TCF7: variants seen among roughly 807,000 people sequenced by gnomAD.
The protein encoded by TCF7 is T-cell-factor-7.
TCF7 carries 19 observed loss-of-function variants against 46.8 expected under a neutral mutation model. The ratio of observed to expected loss-of-function variants is 0.41; its 90% CI spans 0.28 to 0.60. The LOEUF is 0.60. Ranked by LOEUF, TCF7 falls within the 20% of genes least tolerant of loss-of-function variation. TCF7 has a pLI of 0.35. For synonymous variants in TCF7, 245 were observed against 213.4 expected (o/e 1.15, Z -1.29); for missense variants, 547 against 504.6 (o/e 1.08, Z -0.81).
At chr5:134,143,194 T>C (rs1354564160) in intron 8 of TCF7, 94 bp downstream of exon 8, 6 of 1,355,106 alleles carry the variant, frequency 4.4e-6, no homozygotes, top group African/African-American at 1.4e-5. Context: ...GCAGAACTAC[T>C]GTCCTGAAGG....
At chr5:134,145,790 G>A in intron 9 of TCF7, 1 of 1,613,928 alleles carries the variant, frequency 6.2e-7, no homozygotes, top group Non-Finnish European at 8.5e-7. Flanking sequence ...AAGAGTCACT[G>A]TCCATGTCTT....
chr5:134,111,653 T>C (rs1755332378), upstream of TCF7, among the ~76,000 whole-genome samples: 1 of 152,066 alleles, frequency 6.6e-6, no homozygotes, highest in African/African-American at 2.4e-5. Context: ...CTAATCCTGT[T>C]GATGGCCCCC....
intron 3 of TCF7, among the ~76,000 whole-genome samples, chr5:134,119,064 T>G (rs1756225903): frequency 6.6e-6 from 1 of 152,196 alleles, no homozygotes; most frequent in Non-Finnish European, 1.5e-5. Context: ...GGGGAGATAG[T>G]GAGCTGATCT....
At chr5:134,127,694 G>C (rs1757522994) in intron 3 of TCF7, among the ~76,000 whole-genome samples, 1 of 152,246 alleles carries the variant, frequency 6.6e-6, no homozygotes, top group Non-Finnish European at 1.5e-5. Context: ...GGGGCACGTT[G>C]AGGGCAGTTT....
At chr5:134,128,816 G>A (rs1385228101) in intron 3 of TCF7, among the ~76,000 whole-genome samples, 4 of 152,124 alleles carry the variant, frequency 2.6e-5, no homozygotes, top group Admixed American at 2.6e-4. Context: ...CACACATGGG[G>A]CCAGGGAGCA....
chr5:134,116,160 A>T lies in TCF7; in HGVS notation c.441+127A>T, dbSNP rs770195481. ...GACTCCTGTGCTGGTCTTTTCTCCC[A>T]TACACACCCGGTGGGATCTGAACCA... On this transcript the variant is annotated intron_variant, in intron 3 of 9. Coordinates refer to ENST00000342854, the MANE Select transcript of TCF7 (RefSeq NM_003202.5). The T allele has an allele frequency of 8.3e-6, 12 of 1,439,312 alleles. No homozygotes were observed. In the East Asian group the frequency reaches 1.8e-4, roughly 22 times the overall value. 89.2% of individuals were successfully genotyped at this position (1,439,312 alleles called of 1,614,324 possible). A position where few individuals can be genotyped will look rare whatever the true frequency, so the allele number is the denominator to read the frequency against.
At chr5:134,127,778 G>A (rs1304614382) in intron 3 of TCF7, among the ~76,000 whole-genome samples, 1 of 152,236 alleles carries the variant, frequency 6.6e-6, no homozygotes, top group Admixed American at 6.5e-5. Flanking sequence ...CAGTGATCTG[G>A]CCTGACAGGA....
Position 134,146,392 on chromosome 5 carries a change from G to A in TCF7, c.*89G>A. On this transcript the variant is annotated 3_prime_UTR_variant, in exon 10 of 10. Coordinates refer to ENST00000342854, the MANE Select transcript of TCF7 (RefSeq NM_003202.5). ...CAGAACTGCTTACTAGCCCTGCGGAGCCGGCACCTACATCCCCAGGTCTCT... is the reference window on the plus strand; with the variant it reads ...CAGAACTGCTTACTAGCCCTGCGGAACCGGCACCTACATCCCCAGGTCTCT... The A allele has an allele frequency of 2.7e-6, 4 of 1,507,826 alleles. 1 individual carries two copies. The South Asian group carries it at 4.5e-5, about 17-fold the overall frequency. 93.4% of individuals were successfully genotyped at this position (1,507,826 alleles called of 1,614,324 possible).
chr5:134,145,751 G>C (rs758982604), intron 9 of TCF7: 1 of 1,613,880 alleles, frequency 6.2e-7, no homozygotes, highest in Non-Finnish European at 8.5e-7. Flanking sequence ...AGACAAACTG[G>C]CCCAGAGAAC....
At position 134,115,265 on chromosome 5, in the gene TCF7, C is replaced by T. The variant is rs559196034; in HGVS notation, c.250-56C>T. The stretch of plus-strand genomic sequence containing the variant: ...GCGCAGAGCGTCCCTGCCCCGGCGT[C>T]GGCCCCGACCCCCGCGGTCCCACCG... On this transcript the variant is annotated intron_variant, in intron 1 of 9. Coordinates refer to ENST00000342854, the MANE Select transcript of TCF7 (RefSeq NM_003202.5). 9.5e-3 allele frequency: 14,046 copies of T among 1,477,428 alleles called. 115 individuals carry two copies. The highest frequency in any genetic ancestry group is 0.014 in the Admixed American group (642 of 46,706). 91.5% of individuals were successfully genotyped at this position (1,477,428 alleles called of 1,614,324 possible).
At chr5:134,115,448 G>C (rs43153) in intron 2 of TCF7, 61 bp downstream of exon 2, 34,919 of 1,543,826 alleles carry the variant, frequency 0.023, 627 homozygotes, top group African/African-American at 0.098. Flanking sequence ...TCGGTGGGAC[G>C]GGGACGCCAA....
chr5:134,109,770 C>CAAAAAAAAAAAAAAAAAAAAAAAA (rs59510685), upstream of TCF7, among the ~76,000 whole-genome samples: 12 of 140,312 alleles, frequency 8.6e-5, no homozygotes, highest in African/African-American at 2.8e-4. Context: ...GGCTCCATCT[C>CAAAAAAAAAAAAAAAAAAAAAAAA]AAAAAAAAAA....
chr5:134,138,068 A>G lies in TCF7; in HGVS notation c.451A>G (p.Asn151Asp). 1.2e-6 allele frequency: 2 copies of G among 1,601,266 alleles called. No individual in the cohort carries two copies. Among genetic ancestry groups the G allele is most frequent in the Non-Finnish European group, 8.5e-7 (1 of 1,172,882 alleles). ...PQPQPPLHKANQPPHGVPQLS... is the reference protein window; with the variant it reads ...PQPQPPLHKADQPPHGVPQLS... ...CCTTCTCATTTTTCAGCACAAGGCC[A>G]ATCAGCCCCCCCACGGTGTCCCCCA... Residue 151 changes from asparagine to aspartate, a missense_variant, in exon 4 of 10, where the codon AAT (asparagine) becomes GAT (aspartate). By Grantham distance (23) the Asn-to-Asp change is conservative. Coordinates refer to ENST00000342854, the MANE Select transcript of TCF7 (RefSeq NM_003202.5).
chr5:134,137,981 C>A (rs1298780764), intron 3 of TCF7, 78 bp from the exon 4 acceptor site: 1 of 1,210,036 alleles, frequency 8.3e-7, no homozygotes, highest in Non-Finnish European at 1.2e-6. Context: ...GACAGCTGGG[C>A]TTCCTGTATA....
intron 3 of TCF7, among the ~76,000 whole-genome samples, chr5:134,132,200 T>C (rs1758214738): frequency 6.6e-6 from 1 of 152,232 alleles, no homozygotes. Context: ...ATCTGTCAGG[T>C]GGGCGTAGTA....
chr5:134,146,768 G>C lies in TCF7; in HGVS notation c.*465G>C. 1 of 539,676 alleles carries C rather than the reference G, an allele frequency of 1.9e-6. No individual in the cohort carries two copies. Among genetic ancestry groups the C allele is most frequent in the East Asian group, 3.3e-5 (1 of 30,502 alleles). 33.4% of individuals were successfully genotyped at this position (539,676 alleles called of 1,614,324 possible). The stretch of plus-strand genomic sequence containing the variant: ...GAATCCCTTGTACCTATGGCTGCCT[G>C]CATCTATTCTTTGTACCATCTGTCT... On this transcript the variant is annotated 3_prime_UTR_variant, in exon 10 of 10. Coordinates refer to ENST00000342854, the MANE Select transcript of TCF7 (RefSeq NM_003202.5).
At chr5:134,128,081 C>T (rs1004133324) in intron 3 of TCF7, among the ~76,000 whole-genome samples, 2 of 152,284 alleles carry the variant, frequency 1.3e-5, no homozygotes, top group East Asian at 1.9e-4. Flanking sequence ...ACATCTGACT[C>T]GGCGTTCGCT....
At chr5:134,138,525 C>T in intron 4 of TCF7, 1 of 287,378 alleles carries the variant, frequency 3.5e-6, no homozygotes, top group Admixed American at 4.8e-5. Context: ...CAGGCAAAGT[C>T]ATTCTGAAAT....
chr5:134,116,170 G>A (rs1755813810), intron 3 of TCF7, 137 bp downstream of exon 3: 1 of 1,425,630 alleles, frequency 7.0e-7, no homozygotes, highest in Non-Finnish European at 9.2e-7. Context: ...ATACACACCC[G>A]GTGGGATCTG....
Sources: gnomAD v4.1 joint callset for allele counts (sites outside exome capture counted in the v4.1 genomes callset) on GRCh38, gnomAD v4.1.1 for gene constraint, MANE v1.5 for transcripts, NCBI Gene and HGNC (gene_info 2026-07-23, HGNC 2026-07-21) for gene names.